Variants in PCDHGB1 observed in about 807,000 individuals in gnomAD.
PCDHGB1 encodes the protein protocadherin gamma-B1.
A neutral mutation model predicts 56.6 loss-of-function variants in PCDHGB1; 34 were observed. The observed-to-expected ratio is 0.60, with a 90% confidence interval of 0.46 to 0.80. The LOEUF (loss-of-function observed/expected upper bound fraction) is 0.80. PCDHGB1 is among the 30% of genes least tolerant of loss of function. The pLI is 0.00. For missense variants in PCDHGB1, 1,278 were observed against 1,204.6 expected (o/e 1.06, Z -0.90); for synonymous variants, 561 against 505.9 (o/e 1.11, Z -1.46).
intron 1 of PCDHGB1, chr5:141,478,018 C>T: frequency 1.9e-6 from 3 of 1,614,124 alleles, no homozygotes; most frequent in Non-Finnish European, 2.5e-6. Context: ...CCCGTCCAGT[C>T]CAAGACACAG....
At chr5:141,368,272 C>A (rs1227481804) in intron 1 of PCDHGB1, among the ~76,000 whole-genome samples, 1 of 152,064 alleles carries the variant, frequency 6.6e-6, no homozygotes, top group African/African-American at 2.4e-5. Flanking sequence ...ATTAAAGAAC[C>A]TAAGACCACT....
At chr5:141,403,560 A>G in intron 1 of PCDHGB1, 1 of 1,613,972 alleles carries the variant, frequency 6.2e-7, no homozygotes, top group Non-Finnish European at 8.5e-7. Context: ...CTGGACAGGG[A>G]GGAGGCAACT....
intron 1 of PCDHGB1, chr5:141,383,187 C>CGGGAAGA: frequency 6.2e-7 from 1 of 1,614,076 alleles, no homozygotes; most frequent in Non-Finnish European, 8.5e-7. Context: ...AAGAGATCTG[C>CGGGAAGA]GCTCAGAGTG....
chr5:141,372,282 CG>C (rs1768601013), intron 1 of PCDHGB1: 1 of 1,613,084 alleles, frequency 6.2e-7, no homozygotes, highest in African/African-American at 1.3e-5. Context: ...GCGCACGGCG[CG>C]TACCTTGGGC....
rs1758450132 is a variant in PCDHGB1 at position 141,350,339 on chromosome 5, A to G, written c.79A>G (p.Ile27Val). 1 of 1,542,648 alleles carries G rather than the reference A, an allele frequency of 6.5e-7. No homozygotes were observed. The highest frequency in any genetic ancestry group is 1.3e-5 in the South Asian group (1 of 77,882). Residue 27 changes from isoleucine to valine, a missense_variant, in exon 1 of 4, where the codon ATC (isoleucine) becomes GTC (valine). Physicochemically the swap from Ile to Val is conservative, Grantham distance 29. Coordinates refer to ENST00000523390, the MANE Select transcript of PCDHGB1 (RefSeq NM_018922.3). ...PFLLSLFCGA[I>V]SQQIRYTIPE... ...CCTGCTGTCTTTGTTCTGCGGGGCC[A>G]TCTCCCAGCAGATCCGATACACGAT...
At chr5:141,361,645 T>C (rs1384236598) in intron 1 of PCDHGB1, 6 of 1,613,820 alleles carry the variant, frequency 3.7e-6, no homozygotes, top group Non-Finnish European at 5.1e-6. Context: ...GATTTTATCC[T>C]ACGTGTCCGT....
At chr5:141,441,734 G>GAT in intron 1 of PCDHGB1, 1 of 364,808 alleles carries the variant, frequency 2.7e-6, no homozygotes, top group South Asian at 2.2e-5. Context: ...ACCAGGACTA[G>GAT]CTCGCGCTCG....
chr5:141,428,646 C>T (rs542682298), intron 1 of PCDHGB1: 7 of 170,630 alleles, frequency 4.1e-5, no homozygotes, highest in South Asian at 3.0e-4. Flanking sequence ...CTCCTACTCA[C>T]GTGAGTTCCA....
At chr5:141,510,404 G>T (rs1596286932) in intron 3 of PCDHGB1, among the ~76,000 whole-genome samples, 2 of 152,252 alleles carry the variant, frequency 1.3e-5, no homozygotes, top group East Asian at 3.9e-4. Context: ...AAAGGCTAGG[G>T]GCATGTAAAG....
At chr5:141,384,969 G>A (rs996601457) in intron 1 of PCDHGB1, 5 of 1,614,014 alleles carry the variant, frequency 3.1e-6, no homozygotes, top group African/African-American at 2.7e-5. Context: ...ATGACCTCAC[G>A]TTGTACCTGG....
intron 1 of PCDHGB1, among the ~76,000 whole-genome samples, chr5:141,446,322 C>A (rs1561922470): frequency 2.0e-5 from 3 of 151,968 alleles, no homozygotes; most frequent in South Asian, 4.1e-4. Flanking sequence ...TGGGTTTCCA[C>A]ATTAAGGAAC....
At chr5:141,363,675 G>A (rs1763023401) in intron 1 of PCDHGB1, among the ~76,000 whole-genome samples, 1 of 152,208 alleles carries the variant, frequency 6.6e-6, no homozygotes, top group South Asian at 2.1e-4. Context: ...GCATATGACA[G>A]CTAATATAAC....
Position 141,432,295 on chromosome 5 carries a change from G to A in PCDHGB1, c.2410-62512G>A. 6.2e-7 allele frequency: 1 copy of A among 1,614,222 alleles called. No individual in the cohort carries two copies. The highest frequency in any genetic ancestry group is 8.5e-7 in the Non-Finnish European group (1 of 1,180,034). ...ACGTGTCCATCAACTCCGACACTGG[G>A]GTACTGTATGCGCTGAGCTCCTTCG... is the stretch of plus-strand genomic sequence containing the variant. On this transcript the variant is annotated intron_variant, in intron 1 of 3. Coordinates refer to ENST00000523390, the MANE Select transcript of PCDHGB1 (RefSeq NM_018922.3). This position sits in a 1 kb window ranked among gnomAD's most constrained non-coding sequence, Gnocchi z 6.0.
chr5:141,372,396 T>C (rs1039579304), intron 1 of PCDHGB1: 1 of 1,614,052 alleles, frequency 6.2e-7, no homozygotes, highest in Non-Finnish European at 8.5e-7. Context: ...CGCAGATAGC[T>C]TGCAAGAGAT....
chr5:141,362,045 C>T (rs573308473), intron 1 of PCDHGB1: 5 of 1,610,542 alleles, frequency 3.1e-6, no homozygotes, highest in Non-Finnish European at 4.2e-6. Flanking sequence ...GACAGGGACG[C>T]GGCCCGCCAG....
intron 1 of PCDHGB1, chr5:141,379,063 C>G (rs1026715251): frequency 6.6e-6 from 1 of 152,184 alleles, no homozygotes; most frequent in African/African-American, 2.4e-5. Flanking sequence ...GGATTGGCCA[C>G]TTGTGCATCT....
Position 141,490,943 on chromosome 5 carries a change from G to A in PCDHGB1, c.2410-3864G>A, listed in dbSNP as rs1035375216. The A allele has an allele frequency of 6.8e-6, 11 of 1,613,470 alleles. No homozygotes were observed. The East Asian group carries it at 1.1e-4, about 16-fold the overall frequency. On this transcript the variant is annotated intron_variant, in intron 1 of 3. Coordinates refer to ENST00000523390, the MANE Select transcript of PCDHGB1 (RefSeq NM_018922.3). This position sits in a 1 kb window ranked among gnomAD's most constrained non-coding sequence, Gnocchi z 5.4. Reference sequence around the variant, plus strand: ...AATGCCCCAGCTGTGCTGCACCCACGGCCAGACTGGGAACACTCAGCCCCC... The same window carrying A: ...AATGCCCCAGCTGTGCTGCACCCACAGCCAGACTGGGAACACTCAGCCCCC...
At chr5:141,380,746 A>G (rs1321659123) in intron 1 of PCDHGB1, among the ~76,000 whole-genome samples, 1 of 152,254 alleles carries the variant, frequency 6.6e-6, no homozygotes, top group African/African-American at 2.4e-5. Context: ...CAAAGAAGGT[A>G]CCAAGACACT....
chr5:141,470,855 G>A (rs2099242095), intron 1 of PCDHGB1, among the ~76,000 whole-genome samples: 3 of 151,856 alleles, frequency 2.0e-5, no homozygotes, highest in Admixed American at 2.0e-4. Context: ...GCTCAGATAA[G>A]TTTTTTGTTT....
Sources: gnomAD v4.1 joint callset for allele counts (sites outside exome capture counted in the v4.1 genomes callset) on GRCh38, gnomAD v4.1.1 for gene constraint, Gnocchi (gnomAD v3.1) non-coding constraint, MANE v1.5 for transcripts, NCBI Gene and HGNC (gene_info 2026-07-23, HGNC 2026-07-21) for gene names.